Variants in SORCS1 observed in about 807,000 individuals in gnomAD.
The protein encoded by SORCS1 is sortilin related VPS10 domain containing receptor 1, also known as VPS10 domain-containing receptor SorCS1.
SORCS1 carries 60 observed loss-of-function variants against 146.1 expected under a neutral mutation model. The ratio of observed to expected loss-of-function variants is 0.41; its 90% CI spans 0.33 to 0.51. The LOEUF is 0.51. Ranked by LOEUF, SORCS1 falls within the 20% of genes least tolerant of loss-of-function variation. The probability of loss-of-function intolerance (pLI) is 0.21; values close to 1 mark genes in which losing one functional copy is unlikely to be tolerated. For missense variants in SORCS1, 1,352 were observed against 1,487.6 expected (o/e 0.91, Z 1.50); for synonymous variants, 637 against 584.0 (o/e 1.09, Z -1.31).
intron 24 of SORCS1, among the ~76,000 whole-genome samples, chr10:106,593,735 T>C (rs1479545698): frequency 6.6e-6 from 1 of 152,208 alleles, no homozygotes; most frequent in Non-Finnish European, 1.5e-5. Context: ...TTTCTCACTC[T>C]CTCCAAATTG....
At chr10:106,700,616 G>A (rs1178459994) in intron 8 of SORCS1, among the ~76,000 whole-genome samples, 5 of 152,104 alleles carry the variant, frequency 3.3e-5, no homozygotes, top group Non-Finnish European at 7.3e-5. Context: ...CCAGTGCGGG[G>A]AAATTCCACC....
intron 2 of SORCS1, among the ~76,000 whole-genome samples, chr10:106,894,301 GTGTGT>G (rs1951375194): frequency 6.7e-6 from 1 of 150,306 alleles, no homozygotes. Context: ...GTGTGTGTGT[GTGTGT>G]GTAGGGAGAA....
intron 1 of SORCS1, among the ~76,000 whole-genome samples, chr10:106,976,119 C>T (rs1955985919): frequency 7.1e-6 from 1 of 141,816 alleles, no homozygotes; most frequent in African/African-American, 2.6e-5. Context: ...GTACTCCAGC[C>T]TGGACTCTGT....
chr10:107,082,524 C>G (rs536254770), intron 1 of SORCS1, among the ~76,000 whole-genome samples: 69 of 152,074 alleles, frequency 4.5e-4, no homozygotes, highest in African/African-American at 1.5e-3. Context: ...GTCGCACAAA[C>G]TGGAGTGCAG....
At chr10:107,127,781 C>T (rs966235367) in intron 1 of SORCS1, among the ~76,000 whole-genome samples, 4 of 152,184 alleles carry the variant, frequency 2.6e-5, no homozygotes, top group Admixed American at 6.5e-5. Flanking sequence ...AGGTAGGGCC[C>T]ACCTCCACCT....
At chr10:107,053,144 T>C (rs569665309) in intron 1 of SORCS1, among the ~76,000 whole-genome samples, 1 of 151,932 alleles carries the variant, frequency 6.6e-6, no homozygotes, top group Admixed American at 6.5e-5. Flanking sequence ...ATTATTTCAC[T>C]CTACTGTCTA....
At chr10:107,144,803 G>T (rs1470516371) in intron 1 of SORCS1, among the ~76,000 whole-genome samples, 1 of 152,212 alleles carries the variant, frequency 6.6e-6, no homozygotes, top group East Asian at 1.9e-4. Context: ...ACAATTTTGA[G>T]AAATGACAGC....
At chr10:106,937,728 C>T (rs536218186) in intron 2 of SORCS1, among the ~76,000 whole-genome samples, 1 of 152,204 alleles carries the variant, frequency 6.6e-6, no homozygotes, top group East Asian at 1.9e-4. Flanking sequence ...CTTTGGGGGG[C>T]TGAGGCAGGT....
chr10:106,940,691 C>A (rs770230115), intron 2 of SORCS1, among the ~76,000 whole-genome samples: 1 of 152,152 alleles, frequency 6.6e-6, no homozygotes, highest in Non-Finnish European at 1.5e-5. Flanking sequence ...CCAGACCAAC[C>A]TGGCCAACAT....
At chr10:107,147,075 C>A (rs963395967) in intron 1 of SORCS1, among the ~76,000 whole-genome samples, 1 of 152,152 alleles carries the variant, frequency 6.6e-6, no homozygotes, top group African/African-American at 2.4e-5. Context: ...CATACCCCAA[C>A]TTAATTGATA....
chr10:107,139,074 C>A (rs1051285214), intron 1 of SORCS1, among the ~76,000 whole-genome samples: 2 of 152,220 alleles, frequency 1.3e-5, no homozygotes, highest in Non-Finnish European at 2.9e-5. Flanking sequence ...AATTACCTAT[C>A]TCCCTAATGA....
chr10:106,632,434 C>T (rs1368010927), intron 18 of SORCS1, among the ~76,000 whole-genome samples: 1 of 152,142 alleles, frequency 6.6e-6, no homozygotes, highest in Non-Finnish European at 1.5e-5. Context: ...TGTTCCTGGG[C>T]TCAAATGACC....
intron 1 of SORCS1, among the ~76,000 whole-genome samples, chr10:107,051,013 T>C (rs1185380983): frequency 2.0e-5 from 3 of 152,198 alleles, no homozygotes; most frequent in South Asian, 4.2e-4. Context: ...CCTTCCTTTT[T>C]CTCTCCCTCC....
chr10:106,648,366 A>G (rs1032101461), intron 18 of SORCS1, among the ~76,000 whole-genome samples: 3 of 152,172 alleles, frequency 2.0e-5, no homozygotes, highest in Non-Finnish European at 2.9e-5. Context: ...TCTAATATAT[A>G]TTAGTATTTT....
intron 1 of SORCS1, among the ~76,000 whole-genome samples, chr10:107,123,338 T>C (rs2134560824): frequency 6.6e-6 from 1 of 152,282 alleles, no homozygotes; most frequent in Non-Finnish European, 1.5e-5. Context: ...ACCATACTGT[T>C]CAATAAACAG....
chr10:107,135,301 A>C (rs1967193607), intron 1 of SORCS1, among the ~76,000 whole-genome samples: 1 of 152,226 alleles, frequency 6.6e-6, no homozygotes, highest in East Asian at 1.9e-4. Context: ...TTACTTTCCC[A>C]GATGGCACTG....
chr10:106,988,601 T>G (rs35463096), intron 1 of SORCS1, among the ~76,000 whole-genome samples: 1,624 of 152,226 alleles, frequency 0.011, 5 homozygotes, highest in Non-Finnish European at 0.018. Flanking sequence ...GTGGGACAGC[T>G]CCTAGAAATC....
intron 1 of SORCS1, among the ~76,000 whole-genome samples, chr10:107,076,069 C>G (rs761760217): frequency 6.6e-6 from 1 of 152,100 alleles, no homozygotes; most frequent in African/African-American, 2.4e-5. Flanking sequence ...AATTCAAATA[C>G]TAACTTTGAC....
intron 2 of SORCS1, among the ~76,000 whole-genome samples, chr10:106,943,176 C>A (rs1299899443): frequency 6.6e-6 from 1 of 152,178 alleles, no homozygotes; most frequent in Admixed American, 6.5e-5. Flanking sequence ...GGCTACTTCA[C>A]ACATATTTTT....
Sources: allele counts gnomAD v4.1 joint callset (sites outside exome capture counted in the v4.1 genomes callset), GRCh38; gene constraint gnomAD v4.1.1; transcripts MANE v1.5; gene names NCBI Gene and HGNC (gene_info 2026-07-23, HGNC 2026-07-21).